Variants in SYTL5 observed in about 807,000 individuals in gnomAD.
SYTL5 encodes synaptotagmin-like protein 5.
SYTL5 carries 34 observed loss-of-function variants against 55.9 expected under a neutral mutation model. The observed-to-expected ratio is 0.61, with a 90% confidence interval of 0.46 to 0.81. SYTL5 has a LOEUF of 0.81. Among genes scored for constraint, SYTL5 ranks in the 30% least tolerant of loss-of-function variants. The probability of loss-of-function intolerance (pLI) is 0.00; values close to 1 mark genes in which losing one functional copy is unlikely to be tolerated. For synonymous variants in SYTL5, 221 were observed against 188.7 expected, an observed-to-expected ratio of 1.17 and a Z score of -1.40; for missense variants, 637 against 546.7, an observed-to-expected ratio of 1.17 and a Z score of -1.65.
intron 2 of SYTL5, among the ~76,000 whole-genome samples, chrX:38,050,334 G>A (rs1283782295): frequency 3.6e-5 from 4 of 111,666 alleles, no homozygotes; most frequent in Non-Finnish European, 7.5e-5. Context: ...TGATGATAAA[G>A]CAAAAAGTCT....
chrX:38,058,592 T>C (rs1436309324), intron 3 of SYTL5, among the ~76,000 whole-genome samples: 1 of 111,227 alleles, frequency 9.0e-6, no homozygotes, highest in African/African-American at 3.2e-5. Context: ...GAATCCTAGG[T>C]TGGATGTTAT....
At chrX:38,069,821 A>G (rs923882977) in intron 3 of SYTL5, among the ~76,000 whole-genome samples, 1 of 112,073 alleles carries the variant, frequency 8.9e-6, no homozygotes, top group Non-Finnish European at 1.9e-5. Context: ...AATTTAGAAT[A>G]CCACAATTGT....
At chrX:38,120,501 T>C in intron 14 of SYTL5, 35 bp downstream of exon 14, 1 of 1,068,819 alleles carries the variant, frequency 9.4e-7, no homozygotes, top group South Asian at 1.9e-5. Flanking sequence ...ATCAATGACA[T>C]TCTGTTTCTA....
chrX:38,017,910 G>A (rs1251213652), intron 1 of SYTL5, among the ~76,000 whole-genome samples: 1 of 109,513 alleles, frequency 9.1e-6, no homozygotes, highest in Non-Finnish European at 1.9e-5. Flanking sequence ...TAATCTAAAT[G>A]GGTCCAGGTG....
chrX:37,989,935 C>T, the SYTL5 span, among the ~76,000 whole-genome samples: 3 of 110,802 alleles, frequency 2.7e-5, no homozygotes, highest in African/African-American at 6.6e-5. Context: ...TGTGGTGGCA[C>T]GATCTCGGCT....
intron 1 of SYTL5, among the ~76,000 whole-genome samples, chrX:38,033,014 C>T (rs1177542459): frequency 1.8e-5 from 2 of 112,254 alleles, no homozygotes; most frequent in African/African-American, 6.5e-5. Flanking sequence ...TGTGAGCCAC[C>T]ACACCCAGCC....
At chrX:37,966,822 C>T in the SYTL5 span, among the ~76,000 whole-genome samples, 9 of 111,818 alleles carry the variant, frequency 8.0e-5, no homozygotes, top group East Asian at 1.1e-3. Context: ...ACCAGCATTA[C>T]AGTATTATAA....
At chrX:37,905,835 G>A in the SYTL5 span, among the ~76,000 whole-genome samples, 1 of 113,337 alleles carries the variant, frequency 8.8e-6, no homozygotes, top group Non-Finnish European at 1.9e-5. Context: ...TGCCTTGAGG[G>A]GCGGGCTGTG....
chrX:38,006,965 GC>G (rs1910565845), intron 1 of SYTL5, among the ~76,000 whole-genome samples: 1 of 111,067 alleles, frequency 9.0e-6, no homozygotes, highest in Non-Finnish European at 1.9e-5. Flanking sequence ...AAGAGTGAGT[GC>G]CTCCAGGAAC....
intron 8 of SYTL5, among the ~76,000 whole-genome samples, chrX:38,095,426 T>G (rs977476104): frequency 8.9e-6 from 1 of 112,022 alleles, no homozygotes; most frequent in African/African-American, 3.2e-5. Context: ...TCTTTCTCAT[T>G]TATAAGTAAC....
At chrX:37,959,830 G>T in the SYTL5 span, among the ~76,000 whole-genome samples, 1 of 111,783 alleles carries the variant, frequency 8.9e-6, no homozygotes, top group South Asian at 3.7e-4. Context: ...GCTCTCTGCT[G>T]TGGCTCTACC....
the SYTL5 span, among the ~76,000 whole-genome samples, chrX:37,958,107 G>A: frequency 0.36 from 38,878 of 108,474 alleles, 5,108 homozygotes; most frequent in East Asian, 0.6. Flanking sequence ...TACTCAGGAG[G>A]CTGGGGCAGG....
intron 2 of SYTL5, among the ~76,000 whole-genome samples, chrX:38,035,893 CA>C (rs1249021516): frequency 9.1e-6 from 1 of 110,260 alleles, no homozygotes; most frequent in African/African-American, 3.3e-5. Flanking sequence ...GACTCTGTCT[CA>C]AAAAAAATTA....
chrX:37,938,178 A>G, the SYTL5 span, among the ~76,000 whole-genome samples: 2 of 112,260 alleles, frequency 1.8e-5, no homozygotes, highest in East Asian at 5.6e-4. Context: ...CAGGTTTGGA[A>G]AGTTTTCAGA....
intron 3 of SYTL5, among the ~76,000 whole-genome samples, chrX:38,065,938 A>G (rs1936086336): frequency 9.0e-6 from 1 of 110,822 alleles, no homozygotes; most frequent in Admixed American, 9.6e-5. Context: ...CATCTCTATT[A>G]AAAATACAAA....
At chrX:37,890,113 C>T in the SYTL5 span, among the ~76,000 whole-genome samples, 11 of 109,954 alleles carry the variant, frequency 1.0e-4, no homozygotes, top group Non-Finnish European at 1.3e-4. Flanking sequence ...GGCAAGATAA[C>T]GAAGGAATTC....
At chrX:38,083,580 G>C (rs1458034910) in intron 6 of SYTL5, among the ~76,000 whole-genome samples, 2 of 110,982 alleles carry the variant, frequency 1.8e-5, no homozygotes, top group Non-Finnish European at 3.8e-5. Flanking sequence ...TGGCTTCAGG[G>C]GACATTGCAG....
chrX:37,999,854 A>G, the SYTL5 span, among the ~76,000 whole-genome samples: 1 of 112,018 alleles, frequency 8.9e-6, no homozygotes, highest in East Asian at 2.8e-4. Flanking sequence ...AGCTCTTTCA[A>G]GGTCAAAGCA....
the SYTL5 span, among the ~76,000 whole-genome samples, chrX:37,909,047 G>T: frequency 9.0e-6 from 1 of 110,672 alleles, no homozygotes; most frequent in African/African-American, 3.3e-5. Flanking sequence ...CTGACAACTT[G>T]GTTCAACAGA....
Sources: allele counts gnomAD v4.1 joint callset (sites outside exome capture counted in the v4.1 genomes callset), GRCh38; gene constraint gnomAD v4.1.1; transcripts MANE v1.5; gene names NCBI Gene and HGNC (gene_info 2026-07-23, HGNC 2026-07-21).